Variants in SCAPER observed in about 807,000 individuals in gnomAD.
The protein encoded by SCAPER is S phase cyclin A-associated protein in the endoplasmic reticulum.
SCAPER carries 98 observed loss-of-function variants against 182.2 expected under a neutral mutation model. The observed-to-expected ratio is 0.54, with a 90% CI of 0.46 to 0.64. The LOEUF (loss-of-function observed/expected upper bound fraction) is 0.64. Ranked by LOEUF, SCAPER falls within the 30% of genes least tolerant of loss-of-function variation. The probability of loss-of-function intolerance (pLI) is 0.00; values close to 1 mark genes in which losing one functional copy is unlikely to be tolerated. For missense variants in SCAPER, 1,432 were observed against 1,690.0 expected (o/e 0.85, Z 2.68); for synonymous variants, 605 against 564.6 (o/e 1.07, Z -1.01).
rs141222691 is a variant in SCAPER at position 76,457,742 on chromosome 15, AAT to A, written c.3078+13468_3078+13469del. Among the ~76,000 whole-genome samples the A allele has an allele frequency of 9.0e-3, 1,367 of 152,298 alleles. 23 individuals carry two copies. The highest frequency in any genetic ancestry group is 0.032 in the African/African-American group (1,328 of 41,552). On this transcript the variant is annotated intron_variant, in intron 25 of 31. Transcript: ENST00000563290. ...CATATGTCATAAACTCACAGAACAAAATGAAAAATTTAACTTTTAAAGTAAAA... is the reference window on the plus strand; with the variant it reads ...CATATGTCATAAACTCACAGAACAAAGAAAAATTTAACTTTTAAAGTAAAA...
At chr15:76,613,126 C>A (rs983606052) in intron 22 of SCAPER, among the ~76,000 whole-genome samples, 6 of 152,164 alleles carry the variant, frequency 3.9e-5, no homozygotes, top group African/African-American at 1.2e-4. Context: ...CACACACTTA[C>A]AACTATCTGA....
chr15:76,381,845 T>C (rs1434414567), intron 27 of SCAPER, among the ~76,000 whole-genome samples: 1 of 152,340 alleles, frequency 6.6e-6, no homozygotes, highest in East Asian at 1.9e-4. Flanking sequence ...CTGAGCACTC[T>C]GCAGCCAGTG....
chr15:76,800,306 T>C lies in SCAPER; in HGVS notation c.553A>G (p.Ser185Gly), dbSNP rs750643767. 6.2e-7 allele frequency: 1 copy of C among 1,613,578 alleles called. No individual in the cohort carries two copies. Among genetic ancestry groups the C allele is most frequent in the Non-Finnish European group, 8.5e-7 (1 of 1,179,746 alleles). Residue 185 changes from serine to glycine, a missense_variant, in exon 7 of 32, where the codon AGT (serine) becomes GGT (glycine). Ser to Gly is a moderately conservative substitution (Grantham distance 56). This residue lies in a region of SCAPER where 480 missense variants were observed against 510.2 expected (regional missense o/e 0.94). Coordinates refer to ENST00000563290, the MANE Select transcript of SCAPER (RefSeq NM_020843.4). ...KMSPGRHVIP[S>G]PSTDRINVTS... The stretch of plus-strand genomic sequence containing the variant: ...ACATTTATTCTATCTGTTGATGGAC[T>C]TGGAATCACATGGCGTCCCGGAGAC...
intron 23 of SCAPER, among the ~76,000 whole-genome samples, chr15:76,573,680 TAATA>T (rs2145368732): frequency 6.6e-6 from 1 of 152,238 alleles, no homozygotes; most frequent in South Asian, 2.1e-4. Context: ...CTATAGTGAA[TAATA>T]AATACTTTAA....
At chr15:76,900,874 G>A (rs1018909708) in intron 1 of SCAPER, among the ~76,000 whole-genome samples, 6 of 152,150 alleles carry the variant, frequency 3.9e-5, no homozygotes, top group Non-Finnish European at 8.8e-5. Context: ...ATAAATTGTA[G>A]AAAAATTGAG....
chr15:76,721,905 G>C lies in SCAPER; in HGVS notation c.2165+6690C>G, dbSNP rs2060267549. ...AATTTGACTTCCCCTTTTCCTAATTGAATGCCCTTTATTTCCTTCTCCTGT... is the reference window on the plus strand; with the variant it reads ...AATTTGACTTCCCCTTTTCCTAATTCAATGCCCTTTATTTCCTTCTCCTGT... On this transcript the variant is annotated intron_variant, in intron 17 of 31. Transcript: ENST00000563290. 2.0e-5 allele frequency among the ~76,000 whole-genome samples: 3 copies of C among 152,070 alleles called. No individual in the cohort carries two copies. In the South Asian group the frequency reaches 6.2e-4, roughly 32 times the overall value.
intron 27 of SCAPER, among the ~76,000 whole-genome samples, chr15:76,395,491 C>T (rs921111257): frequency 3.9e-5 from 6 of 152,120 alleles, no homozygotes; most frequent in African/African-American, 1.4e-4. Flanking sequence ...CCCTTTTCTC[C>T]ACATCCTTGC....
intron 9 of SCAPER, among the ~76,000 whole-genome samples, chr15:76,772,387 G>C (rs1377319046): frequency 6.6e-6 from 1 of 151,816 alleles, no homozygotes; most frequent in Admixed American, 6.6e-5. Context: ...CAGTACTTTT[G>C]AAAAAATCCT....
chr15:76,439,757 G>C lies in SCAPER; in HGVS notation c.3079-5447C>G, dbSNP rs571567820. Among the ~76,000 whole-genome samples the C allele has an allele frequency of 4.6e-5, 7 of 152,276 alleles. No individual in the cohort carries two copies. In the East Asian group the frequency reaches 1.4e-3, roughly 29 times the overall value. ...GTGGGTGGTCTGTGGAGGGGCAGGG[G>C]AAGGTTACCTTCCCAGCATGCATCA... On this transcript the variant is annotated intron_variant, in intron 25 of 31. Coordinates refer to ENST00000563290, the MANE Select transcript of SCAPER (RefSeq NM_020843.4).
At chr15:76,434,363 G>C (rs968125136) in intron 25 of SCAPER, 53 bp from the exon 26 acceptor site, 24 of 1,250,902 alleles carry the variant, frequency 1.9e-5, no homozygotes, top group Non-Finnish European at 2.5e-5. Flanking sequence ...ACCAAAAATG[G>C]GCAGAGACAG....
chr15:76,833,219 T>C (rs1040115225), intron 5 of SCAPER, among the ~76,000 whole-genome samples: 2 of 152,188 alleles, frequency 1.3e-5, no homozygotes, highest in African/African-American at 2.4e-5. Flanking sequence ...TGGGAGCTTA[T>C]ATTCACTATC....
chr15:76,632,556 A>G (rs1278639057), intron 21 of SCAPER, among the ~76,000 whole-genome samples: 2 of 152,046 alleles, frequency 1.3e-5, no homozygotes, highest in Non-Finnish European at 2.9e-5. Flanking sequence ...ATACTCCTTT[A>G]GCTCAGCAAA....
At chr15:76,351,497 C>T (rs942830603) in intron 30 of SCAPER, among the ~76,000 whole-genome samples, 2 of 152,176 alleles carry the variant, frequency 1.3e-5, no homozygotes, top group African/African-American at 4.8e-5. Flanking sequence ...CACCAGGGGA[C>T]AACTTGCTGC....
At chr15:76,350,658 T>G (rs2141619303) in intron 31 of SCAPER, 1 of 152,328 alleles carries the variant, frequency 6.6e-6, no homozygotes, top group East Asian at 1.9e-4. Flanking sequence ...TCTACATCTC[T>G]AACTCTGATC....
intron 23 of SCAPER, among the ~76,000 whole-genome samples, chr15:76,526,921 G>C (rs113600238): frequency 6.6e-6 from 1 of 151,678 alleles, no homozygotes; most frequent in Non-Finnish European, 1.5e-5. Flanking sequence ...GCCCAGGCTG[G>C]AGTGCAGTCG....
intron 11 of SCAPER, among the ~76,000 whole-genome samples, chr15:76,766,182 C>T (rs970247033): frequency 3.3e-5 from 5 of 152,036 alleles, no homozygotes; most frequent in African/African-American, 7.2e-5. Context: ...CTGCAACCTC[C>T]GCCTCCCGGG....
chr15:76,801,680 G>A (rs2065804983), intron 6 of SCAPER, among the ~76,000 whole-genome samples: 1 of 151,858 alleles, frequency 6.6e-6, no homozygotes, highest in South Asian at 2.1e-4. Context: ...AGCACTTTGG[G>A]AGGCCAAGGA....
intron 5 of SCAPER, among the ~76,000 whole-genome samples, chr15:76,817,001 A>C (rs995266228): frequency 6.6e-6 from 1 of 152,178 alleles, no homozygotes; most frequent in Non-Finnish European, 1.5e-5. Context: ...TGTACTGTAC[A>C]CAACTGTATG....
chr15:76,767,261 A>C (rs1017890367), intron 10 of SCAPER, among the ~76,000 whole-genome samples, 173 bp from the exon 11 acceptor site: 9 of 152,208 alleles, frequency 5.9e-5, no homozygotes, highest in African/African-American at 2.2e-4. Flanking sequence ...GTGCCTTAGA[A>C]GCTTCTAAAA....
Sources: allele counts gnomAD v4.1 joint callset (sites outside exome capture counted in the v4.1 genomes callset), GRCh38; gene constraint gnomAD v4.1.1; regional missense constraint gnomAD v4.1.1; transcripts MANE v1.5; gene names NCBI Gene and HGNC (gene_info 2026-07-23, HGNC 2026-07-21).